UBE2QL1: variants seen among roughly 807,000 people sequenced by gnomAD.
The protein encoded by UBE2QL1 is ubiquitin-conjugating enzyme E2Q-like protein 1.
UBE2QL1 carries 5 observed loss-of-function variants against 12.6 expected under a neutral mutation model. The ratio of observed to expected loss-of-function variants is 0.40; its 90% CI spans 0.21 to 0.83. The LOEUF (loss-of-function observed/expected upper bound fraction) is 0.83, where lower values mean the gene tolerates loss of function less well. UBE2QL1 is among the 40% of genes least tolerant of loss of function. UBE2QL1 has a pLI of 0.37. For missense variants in UBE2QL1, 99 were observed against 222.6 expected (o/e 0.44, Z 3.53); for synonymous variants, 96 against 94.5 (o/e 1.02, Z -0.10).
At position 6,491,404 on chromosome 5, in the gene UBE2QL1, C is replaced by A; in HGVS notation, c.*55C>A. 1 of 1,496,542 alleles carries A rather than the reference C, an allele frequency of 6.7e-7. No homozygotes were observed. The highest frequency in any genetic ancestry group is 1.4e-5 in the South Asian group (1 of 73,502). 92.7% of individuals were successfully genotyped at this position (1,496,542 alleles called of 1,614,324 possible). A position where few individuals can be genotyped will look rare whatever the true frequency, so the allele number is the denominator to read the frequency against. Reference sequence around the variant, plus strand: ...GCCTGTCCACACACACACCAGTACCCTGACATCTCCTCAATGCTGTGCATC... The same window carrying A: ...GCCTGTCCACACACACACCAGTACCATGACATCTCCTCAATGCTGTGCATC... On this transcript the variant is annotated 3_prime_UTR_variant, in exon 2 of 2. Transcript: ENST00000399816.
At chr5:6,482,698 C>T (rs913070802) in intron 1 of UBE2QL1, among the ~76,000 whole-genome samples, 1 of 152,186 alleles carries the variant, frequency 6.6e-6, no homozygotes, top group African/African-American at 2.4e-5. Flanking sequence ...TAATGGCATT[C>T]AGAGAATGGA....
At chr5:6,475,204 C>T (rs971810952) in intron 1 of UBE2QL1, among the ~76,000 whole-genome samples, 1 of 152,142 alleles carries the variant, frequency 6.6e-6, no homozygotes, top group African/African-American at 2.4e-5. Context: ...AAGTAATGAC[C>T]TAAAAGTAAT....
At chr5:6,474,934 C>T (rs1004189179) in intron 1 of UBE2QL1, among the ~76,000 whole-genome samples, 7 of 152,224 alleles carry the variant, frequency 4.6e-5, no homozygotes, top group African/African-American at 1.7e-4. Flanking sequence ...GCTTCCGTTT[C>T]TCCGTCTTGA....
intron 1 of UBE2QL1, among the ~76,000 whole-genome samples, chr5:6,457,798 T>A (rs780512083): frequency 2.6e-4 from 40 of 152,232 alleles, no homozygotes; most frequent in Admixed American, 4.6e-4. Context: ...GTACCACGTG[T>A]AGCATTATTG....
intron 1 of UBE2QL1, among the ~76,000 whole-genome samples, chr5:6,452,910 CT>C (rs1739438102): frequency 6.6e-6 from 1 of 152,196 alleles, no homozygotes; most frequent in South Asian, 2.1e-4. Context: ...CAGAGCCCTG[CT>C]TTCACTGTGG....
chr5:6,472,392 A>G (rs1307334999), intron 1 of UBE2QL1, among the ~76,000 whole-genome samples: 1 of 152,148 alleles, frequency 6.6e-6, no homozygotes, highest in Non-Finnish European at 1.5e-5. Flanking sequence ...AGAAACTTCC[A>G]GAATGCCTTT....
chr5:6,489,633 C>G (rs1406683706), intron 1 of UBE2QL1, among the ~76,000 whole-genome samples: 1 of 152,192 alleles, frequency 6.6e-6, no homozygotes, highest in Non-Finnish European at 1.5e-5. Flanking sequence ...GCTCCGAATA[C>G]AAGCATATGA....
intron 1 of UBE2QL1, among the ~76,000 whole-genome samples, chr5:6,461,543 A>ACCCC (rs71953375): frequency 4.3e-4 from 18 of 42,188 alleles, no homozygotes; most frequent in African/African-American, 5.9e-4. Context: ...AGCACCCACC[A>ACCCC]CCCCCCCCCG....
chr5:6,459,217 C>G (rs978178294), intron 1 of UBE2QL1, among the ~76,000 whole-genome samples: 1 of 152,120 alleles, frequency 6.6e-6, no homozygotes, highest in Non-Finnish European at 1.5e-5. Context: ...TCATACAAGA[C>G]TGCTACTCTA....
chr5:6,473,721 A>C (rs964517916), intron 1 of UBE2QL1, among the ~76,000 whole-genome samples: 1 of 152,254 alleles, frequency 6.6e-6, no homozygotes, highest in Non-Finnish European at 1.5e-5. Flanking sequence ...GAGCCAGGCA[A>C]ACAAAGCCAG....
intron 1 of UBE2QL1, among the ~76,000 whole-genome samples, chr5:6,490,025 A>G (rs886995158): frequency 5.9e-5 from 9 of 152,252 alleles, no homozygotes; most frequent in African/African-American, 1.9e-4. Flanking sequence ...CTGCCAGTAC[A>G]TAAAGCTCAG....
intron 1 of UBE2QL1, among the ~76,000 whole-genome samples, chr5:6,486,801 T>C (rs1232507614): frequency 6.6e-6 from 1 of 152,172 alleles, no homozygotes; most frequent in Non-Finnish European, 1.5e-5. Flanking sequence ...TGTGGGGACG[T>C]TTAACAATGT....
In UBE2QL1 at chr5:6,479,361, G is replaced by A. The variant is rs1734313479; in HGVS notation, c.355-11857G>A. Reference sequence around the variant, plus strand: ...TGATCTAAGAGGTCAAGTTGGGTAGGAGAACACCATTGTTTCTTGCAGGTC... The same window carrying A: ...TGATCTAAGAGGTCAAGTTGGGTAGAAGAACACCATTGTTTCTTGCAGGTC... On this transcript the variant is annotated intron_variant, in intron 1 of 1. Coordinates refer to ENST00000399816, the MANE Select transcript of UBE2QL1 (RefSeq NM_001145161.3). The surrounding 1 kb of genome is among the most constrained non-coding windows in gnomAD (Gnocchi z 4.2). 6.6e-6 allele frequency among the ~76,000 whole-genome samples: 1 copy of A among 152,134 alleles called. No individual in the cohort carries two copies. The highest frequency in any genetic ancestry group is 2.4e-5 in the African/African-American group (1 of 41,420).
chr5:6,464,726 C>T (rs1224280845), intron 1 of UBE2QL1, among the ~76,000 whole-genome samples: 1 of 152,212 alleles, frequency 6.6e-6, no homozygotes, highest in Non-Finnish European at 1.5e-5. Context: ...TGCCTCAGGT[C>T]ACCCTCAGTA....
chr5:6,468,326 T>C (rs895943343), intron 1 of UBE2QL1, among the ~76,000 whole-genome samples: 1 of 152,094 alleles, frequency 6.6e-6, no homozygotes, highest in African/African-American at 2.4e-5. Context: ...TCCCTGGAGC[T>C]GGAGCAGGGG....
At position 6,476,689 on chromosome 5, in the gene UBE2QL1, G is replaced by C. The variant is rs552760498; in HGVS notation, c.355-14529G>C. ...TGGCAGGTTTGGGGCAGTACCTTTT[G>C]GTTCCTTTCATTGCCTGGAGTGACC... is the stretch of plus-strand genomic sequence containing the variant. On this transcript the variant is annotated intron_variant, in intron 1 of 1. Coordinates refer to ENST00000399816, the MANE Select transcript of UBE2QL1 (RefSeq NM_001145161.3). The surrounding 1 kb of genome is among the most constrained non-coding windows in gnomAD (Gnocchi z 4.9). Among the ~76,000 whole-genome samples the C allele has an allele frequency of 3.9e-5, 6 of 152,288 alleles. No individual in the cohort carries two copies. In the East Asian group the frequency reaches 1.2e-3, roughly 29 times the overall value.
Position 6,491,331 on chromosome 5 carries a change from G to A in UBE2QL1, c.468G>A (p.Pro156=), listed in dbSNP as rs951349455. The part of the protein sequence containing the change: ...KTHEKYGWVT[P]PVSDG ...ATGAAAAATATGGTTGGGTCACCCC[G>A]CCCGTGTCCGACGGCTGATGTCTGC... The change falls in exon 2 of 2, where the codon CCG becomes CCA. Residue 156 remains proline (P), a synonymous_variant. Coordinates refer to ENST00000399816, the MANE Select transcript of UBE2QL1 (RefSeq NM_001145161.3). 4.3e-5 allele frequency: 67 copies of A among 1,550,882 alleles called. 1 individual carries two copies. The highest frequency in any genetic ancestry group is 5.4e-5 in the Non-Finnish European group (62 of 1,146,734).
chr5:6,461,844 A>C (rs1426067180), intron 1 of UBE2QL1, among the ~76,000 whole-genome samples: 2 of 151,982 alleles, frequency 1.3e-5, no homozygotes, highest in African/African-American at 4.8e-5. Context: ...CTCCATCCCC[A>C]CCTTGGCTCC....
chr5:6,479,048 C>G lies in UBE2QL1; in HGVS notation c.355-12170C>G, dbSNP rs76045468. Among the ~76,000 whole-genome samples the G allele has an allele frequency of 5.8e-4, 89 of 152,164 alleles. No individual in the cohort carries two copies. The highest frequency in any genetic ancestry group is 2.1e-3 in the African/African-American group (87 of 41,514). On this transcript the variant is annotated intron_variant, in intron 1 of 1. Transcript: ENST00000399816. This position sits in a 1 kb window ranked among gnomAD's most constrained non-coding sequence, Gnocchi z 4.2. The stretch of plus-strand genomic sequence containing the variant: ...TTCTATCGTGTGCAGCATCAGGAGT[C>G]TGTTGGATCCCCAGTGCCTCATCCT...
Sources: gnomAD v4.1 joint callset for allele counts (sites outside exome capture counted in the v4.1 genomes callset) on GRCh38, gnomAD v4.1.1 for gene constraint, Gnocchi (gnomAD v3.1) non-coding constraint, MANE v1.5 for transcripts, NCBI Gene and HGNC (gene_info 2026-07-23, HGNC 2026-07-21) for gene names.